The following CEACAM6 variants were observed in gnomAD, a reference collection of about 807,000 sequenced individuals.
CEACAM6 encodes cell adhesion molecule CEACAM6.
In CEACAM6, 21 loss-of-function variants were observed where a neutral mutation model predicts 32.4. That is an observed-to-expected ratio of 0.65 (90% CI 0.46 to 0.93). The LOEUF is 0.93. CEACAM6 is among the 40% of genes least tolerant of loss of function. The pLI is 0.00. For synonymous variants in CEACAM6, 184 were observed against 174.4 expected (o/e 1.06, Z -0.43); for missense variants, 406 against 432.2 (o/e 0.94, Z 0.54).
chr19:41,760,538 G>A (rs529798854), intron 2 of CEACAM6, among the ~76,000 whole-genome samples: 1 of 152,216 alleles, frequency 6.6e-6, no homozygotes, highest in African/African-American at 2.4e-5. Context: ...GTTCTGCTGG[G>A]AAATTCAGGC....
rs1344693744 is a variant in CEACAM6, at chr19:41,771,002, C to T, written c.*241C>T. ...TAACTAGAGACAGTCAAACTGCAAA[C>T]CATGGTGAGAAATTGACGACTTCAC... On this transcript the variant is annotated 3_prime_UTR_variant, in exon 6 of 6. Transcript: ENST00000199764. The T allele has an allele frequency of 1.3e-5, 2 of 152,272 alleles. No individual in the cohort carries two copies. The highest frequency in any genetic ancestry group is 1.9e-4 in the East Asian group (1 of 5,200). The allele number at this position is 152,272 out of a possible 1,614,324, so 9.4% of individuals were successfully genotyped here. A position where few individuals can be genotyped will look rare whatever the true frequency, so the allele number is the denominator to read the frequency against.
intron 5 of CEACAM6, among the ~76,000 whole-genome samples, chr19:41,767,719 C>A (rs1427063756): frequency 2.0e-5 from 3 of 152,096 alleles, no homozygotes; most frequent in Non-Finnish European, 4.4e-5. Context: ...TGGGGCTAAA[C>A]CCATGGTTTT....
At chr19:41,770,254 A>AC (rs1259863052) in intron 5 of CEACAM6, among the ~76,000 whole-genome samples, 1 of 139,926 alleles carries the variant, frequency 7.1e-6, no homozygotes, top group Non-Finnish European at 1.5e-5. Flanking sequence ...TGCTAAAAAT[A>AC]CAAAAAAAAA....
At position 41,756,672 on chromosome 19, in the gene CEACAM6, C is replaced by T; in HGVS notation, c.137C>T (p.Ala46Val). 1.2e-6 allele frequency: 2 copies of T among 1,614,136 alleles called. No individual in the cohort carries two copies. The highest frequency in any genetic ancestry group is 1.7e-6 in the Non-Finnish European group (2 of 1,180,032). ...LTIESTPFNV[A>V]EGKEVLLLAH... ...ATTGAATCCACGCCGTTCAATGTCG[C>T]AGAGGGGAAGGAGGTTCTTCTACTC... The change falls in exon 2 of 6, where the codon GCA (alanine) becomes GTA (valine). Residue 46 changes from alanine to valine, a missense_variant. Ala to Val is a moderately conservative substitution (Grantham distance 64, BLOSUM62 0). Transcript: ENST00000199764.
chr19:41,761,249 C>A lies in CEACAM6; in HGVS notation c.425C>A (p.Pro142Gln). The change falls in exon 3 of 6, where the codon CCG becomes CAG. Residue 142 changes from proline (P) to glutamine (Q), a missense_variant and splice_region_variant. Coordinates refer to ENST00000199764, the MANE Select transcript of CEACAM6 (RefSeq NM_002483.7). ...AATCTTCTCTCTGTTTTCTGCACAGCGGAGCTGCCCAAGCCCTCCATCTCC... is the reference window on the plus strand; with the variant it reads ...AATCTTCTCTCTGTTTTCTGCACAGAGGAGCTGCCCAAGCCCTCCATCTCC... ...EEATGQFHVY[P>Q]ELPKPSISSN... The A allele has an allele frequency of 6.2e-7, 1 of 1,614,172 alleles. No individual in the cohort carries two copies. Among genetic ancestry groups the A allele is most frequent in the Non-Finnish European group, 8.5e-7 (1 of 1,180,028 alleles).
chr19:41,761,241 C>T lies in CEACAM6; in HGVS notation c.425-8C>T, dbSNP rs1555821790. The T allele has an allele frequency of 6.2e-7, 1 of 1,614,216 alleles. No homozygotes were observed. Among genetic ancestry groups the T allele is most frequent in the Admixed American group, 1.7e-5 (1 of 60,028 alleles). On this transcript the variant is annotated splice_polypyrimidine_tract_variant and splice_region_variant and intron_variant, in intron 2 of 5. Transcript: ENST00000199764. The stretch of plus-strand genomic sequence containing the variant: ...CACAGGGCAATCTTCTCTCTGTTTT[C>T]TGCACAGCGGAGCTGCCCAAGCCCT...
intron 2 of CEACAM6, among the ~76,000 whole-genome samples, chr19:41,758,496 CCT>C (rs2072902904): frequency 6.6e-6 from 1 of 152,152 alleles, no homozygotes; most frequent in Non-Finnish European, 1.5e-5. Flanking sequence ...CCTCTGAACC[CCT>C]GTCCCTAAAC....
rs112710321 is a variant in CEACAM6, at chr19:41,759,710, A to C, written c.425-1539A>C. On this transcript the variant is annotated intron_variant, in intron 2 of 5. Coordinates refer to ENST00000199764, the MANE Select transcript of CEACAM6 (RefSeq NM_002483.7). The stretch of plus-strand genomic sequence containing the variant: ...CAGCCCTTGATCTTTGATCTTTAGG[A>C]CATTAGTAACGATCTCCACTTATGG... 3.0e-4 allele frequency among the ~76,000 whole-genome samples: 46 copies of C among 152,342 alleles called. 1 individual carries two copies. The highest frequency in any genetic ancestry group is 1.1e-3 in the African/African-American group (44 of 41,582).
intron 3 of CEACAM6, 97 bp downstream of exon 3, chr19:41,761,624 G>T: frequency 1.3e-6 from 2 of 1,564,036 alleles, no homozygotes; most frequent in South Asian, 1.2e-5. Flanking sequence ...TAAGGACTCA[G>T]ACCCTCACCC....
intron 4 of CEACAM6, among the ~76,000 whole-genome samples, chr19:41,763,362 G>T (rs782373157): frequency 4.6e-5 from 7 of 152,130 alleles, no homozygotes; most frequent in Non-Finnish European, 8.8e-5. Flanking sequence ...CCCATCTCCA[G>T]GATGTCCTTA....
intron 2 of CEACAM6, chr19:41,758,200 C>A (rs531196139): frequency 5.2e-5 from 8 of 152,532 alleles, no homozygotes; most frequent in Admixed American, 3.3e-4. Context: ...TCCACAGTCC[C>A]CTCACTGCAC....
At chr19:41,769,694 A>G (rs1226171625) in intron 5 of CEACAM6, among the ~76,000 whole-genome samples, 4 of 149,486 alleles carry the variant, frequency 2.7e-5, no homozygotes, top group African/African-American at 9.8e-5. Flanking sequence ...TATGTTTATA[A>G]TAATATCGTT....
intron 5 of CEACAM6, among the ~76,000 whole-genome samples, chr19:41,767,281 C>A (rs1176014378): frequency 2.0e-5 from 3 of 152,254 alleles, no homozygotes; most frequent in African/African-American, 7.2e-5. Flanking sequence ...CACAAGCAAC[C>A]TCTTATTTCA....
rs149686023 is a variant in CEACAM6 at position 41,756,805 on chromosome 19, C to T, written c.270C>T (p.Thr90=). The T allele has an allele frequency of 3.1e-6, 5 of 1,613,984 alleles. No homozygotes were observed. Among genetic ancestry groups the T allele is most frequent in the African/African-American group, 2.7e-5 (2 of 74,870 alleles). ...ATGTAATAGGAACTCAACAAGCTAC[C>T]CCAGGGCCCGCATACAGTGGTCGAG... The part of the protein sequence containing the change: ...VGYVIGTQQA[T]PGPAYSGRET... Residue 90 remains threonine, a synonymous_variant, in exon 2 of 6, where the codon ACC becomes ACT. Coordinates refer to ENST00000199764, the MANE Select transcript of CEACAM6 (RefSeq NM_002483.7).
chr19:41,761,845 G>A (rs931936043), intron 3 of CEACAM6, 124 bp from the exon 4 acceptor site: 42 of 1,257,726 alleles, frequency 3.3e-5, no homozygotes, highest in South Asian at 7.1e-5. Flanking sequence ...GGGACATAGC[G>A]GGGGTTTGGT....
chr19:41,766,207 T>A lies in CEACAM6; in HGVS notation c.983T>A (p.Val328Glu). ...VSGSAPVLSAVATVGITIGVL... is the reference protein window; with the variant it reads ...VSGSAPVLSAEATVGITIGVL... The stretch of plus-strand genomic sequence containing the variant: ...GGAAGTGCTCCTGTCCTCTCAGCTG[T>A]GGCCACCGTCGGCATCACGATTGGA... The change falls in exon 5 of 6, where the codon GTG becomes GAG. Residue 328 changes from valine (V) to glutamate (E), a missense_variant. Coordinates refer to ENST00000199764, the MANE Select transcript of CEACAM6 (RefSeq NM_002483.7). The A allele has an allele frequency of 6.2e-7, 1 of 1,608,880 alleles. No individual in the cohort carries two copies. The highest frequency in any genetic ancestry group is 8.5e-7 in the Non-Finnish European group (1 of 1,177,996).
At chr19:41,767,024 AAG>A (rs1196093217) in intron 5 of CEACAM6, among the ~76,000 whole-genome samples, 1 of 151,238 alleles carries the variant, frequency 6.6e-6, no homozygotes, top group Non-Finnish European at 1.5e-5. Flanking sequence ...AAAAAAAAAA[AAG>A]AAGCCAAAGG....
At chr19:41,768,640 C>T (rs1420964160) in intron 5 of CEACAM6, among the ~76,000 whole-genome samples, 1 of 152,186 alleles carries the variant, frequency 6.6e-6, no homozygotes, top group East Asian at 1.9e-4. Context: ...GGGTGGTGGC[C>T]AGGCAGAGGG....
Position 41,761,354 on chromosome 19 carries a change from T to G in CEACAM6, c.530T>G (p.Leu177Arg). ...CEPEVQNTTY[L>R]WWVNGQSLPV... is the part of the protein sequence containing the mutation. ...CCTGAGGTTCAGAACACAACCTACCTGTGGTGGGTAAATGGTCAGAGCCTC... is the reference window on the plus strand; with the variant it reads ...CCTGAGGTTCAGAACACAACCTACCGGTGGTGGGTAAATGGTCAGAGCCTC... Residue 177 changes from leucine (L) to arginine (R), a missense_variant, in exon 3 of 6, where the codon CTG (leucine) becomes CGG (arginine). Physicochemically the swap from Leu to Arg is moderately radical, Grantham distance 102. Coordinates refer to ENST00000199764, the MANE Select transcript of CEACAM6 (RefSeq NM_002483.7). The G allele has an allele frequency of 6.2e-7, 1 of 1,614,142 alleles. No individual in the cohort carries two copies. The highest frequency in any genetic ancestry group is 8.5e-7 in the Non-Finnish European group (1 of 1,180,020).
Sources: allele counts gnomAD v4.1 joint callset (sites outside exome capture counted in the v4.1 genomes callset), GRCh38; gene constraint gnomAD v4.1.1; transcripts MANE v1.5; gene names NCBI Gene and HGNC (gene_info 2026-07-23, HGNC 2026-07-21).